Variants in PSPH observed in about 807,000 individuals in gnomAD.
PSPH encodes L-3-phosphoserine phosphatase.
Under a neutral mutation model 23.4 loss-of-function variants are expected in PSPH, and 16 were observed. The observed-to-expected ratio is 0.68, with a 90% confidence interval of 0.46 to 1.04. The LOEUF is 1.04. Ranked by LOEUF, PSPH falls within the 50% of genes least tolerant of loss-of-function variation. The pLI, the probability that PSPH is intolerant of heterozygous loss-of-function variation, is 0.00. For synonymous variants in PSPH, 68 were observed against 99.7 expected (o/e 0.68, Z 1.89); for missense variants, 223 against 273.7 (o/e 0.81, Z 1.31).
At chr7:56,016,757 A>C (rs1173596943) in intron 6 of PSPH, among the ~76,000 whole-genome samples, 1 of 150,856 alleles carries the variant, frequency 6.6e-6, no homozygotes, top group African/African-American at 2.4e-5. Flanking sequence ...TTTTTTTTTT[A>C]GCAGAGTTGG....
At chr7:56,042,415 CCAAAG>C (rs146892275) in intron 1 of PSPH, among the ~76,000 whole-genome samples, 75 of 152,094 alleles carry the variant, frequency 4.9e-4, no homozygotes, top group African/African-American at 1.7e-3. Flanking sequence ...ATCTGGGAGG[CCAAAG>C]CAGAAGGATT....
intron 1 of PSPH, among the ~76,000 whole-genome samples, chr7:56,039,118 C>T (rs1792134501): frequency 6.7e-6 from 1 of 149,062 alleles, no homozygotes; most frequent in Non-Finnish European, 1.5e-5. Context: ...ATTGCATACC[C>T]GCCCGGGAAA....
At chr7:56,021,002 C>T in intron 4 of PSPH, 71 bp downstream of exon 4, 1 of 1,549,728 alleles carries the variant, frequency 6.5e-7, no homozygotes, top group Non-Finnish European at 8.8e-7. Flanking sequence ...CAGGGTCTAG[C>T]ACTTCATCCA....
intron 7 of PSPH, among the ~76,000 whole-genome samples, chr7:56,014,139 A>G (rs1788293226): frequency 6.6e-6 from 1 of 152,188 alleles, no homozygotes; most frequent in South Asian, 2.1e-4. Flanking sequence ...AGAAAAACAA[A>G]ACAAAACATA....
chr7:56,035,650 C>G (rs1418673146), intron 1 of PSPH, among the ~76,000 whole-genome samples: 3 of 151,924 alleles, frequency 2.0e-5, no homozygotes, highest in Non-Finnish European at 4.4e-5. Context: ...GACTGAGTCT[C>G]ACTCTGTTGC....
intron 6 of PSPH, among the ~76,000 whole-genome samples, chr7:56,016,406 A>C (rs1044108649): frequency 1.3e-5 from 2 of 149,922 alleles, no homozygotes; most frequent in Non-Finnish European, 3.0e-5. Flanking sequence ...CCTGTCTCAA[A>C]AAAAAAAAAA....
intron 5 of PSPH, 113 bp from the exon 6 acceptor site, chr7:56,017,492 C>T: frequency 6.6e-7 from 1 of 1,525,364 alleles, no homozygotes; most frequent in South Asian, 1.3e-5. Flanking sequence ...AATGCATTTG[C>T]CTGAGGTATG....
chr7:56,028,687 A>C (rs1317554714), intron 3 of PSPH, among the ~76,000 whole-genome samples: 1 of 152,060 alleles, frequency 6.6e-6, no homozygotes, highest in Non-Finnish European at 1.5e-5. Flanking sequence ...ATTGGGTTAC[A>C]AGAGTATCAA....
chr7:56,020,279 C>G (rs1789183039), intron 4 of PSPH, among the ~76,000 whole-genome samples: 2 of 151,588 alleles, frequency 1.3e-5, no homozygotes. Flanking sequence ...TGTGAGCTGT[C>G]ATAAATCAAG....
chr7:56,036,035 C>T (rs1791683638), intron 1 of PSPH, among the ~76,000 whole-genome samples: 1 of 152,028 alleles, frequency 6.6e-6, no homozygotes, highest in East Asian at 1.9e-4. Flanking sequence ...TCAAGACTAG[C>T]CTGGCTAACA....
At position 56,011,569 on chromosome 7, in the gene PSPH, T is replaced by C. The variant is rs1787914896; in HGVS notation, c.*193A>G. 2.1e-6 allele frequency: 1 copy of C among 469,014 alleles called. No individual in the cohort carries two copies. The highest frequency in any genetic ancestry group is 3.8e-6 in the Non-Finnish European group (1 of 259,962). The allele number at this position is 469,014 out of a possible 1,614,324, so 29.1% of individuals were successfully genotyped here. On this transcript the variant is annotated 3_prime_UTR_variant, in exon 8 of 8. Coordinates refer to ENST00000275605, the MANE Select transcript of PSPH (RefSeq NM_004577.4). ...CTCTCCAGGAAATCAATAGTCATCATATAATACTGGAACTACAGTTAAAAA... is the reference window on the plus strand; with the variant it reads ...CTCTCCAGGAAATCAATAGTCATCACATAATACTGGAACTACAGTTAAAAA...
At chr7:56,026,298 A>G (rs1281965842) in intron 3 of PSPH, among the ~76,000 whole-genome samples, 2 of 151,906 alleles carry the variant, frequency 1.3e-5, no homozygotes, top group African/African-American at 2.4e-5. Flanking sequence ...CAACATGGTG[A>G]AACCCCATCT....
In PSPH at chr7:56,011,687, G is replaced by A; in HGVS notation, c.*75C>T. 1 of 1,227,512 alleles carries A rather than the reference G, an allele frequency of 8.1e-7. No homozygotes were observed. The highest frequency in any genetic ancestry group is 1.2e-5 in the South Asian group (1 of 82,018). The allele number at this position is 1,227,512 out of a possible 1,614,324, so 76.0% of individuals were successfully genotyped here. A position where few individuals can be genotyped will look rare whatever the true frequency, so the allele number is the denominator to read the frequency against. On this transcript the variant is annotated 3_prime_UTR_variant, in exon 8 of 8. Transcript: ENST00000275605. ...CTATAGCAAGTTGTAATAGGCAACTGTAAGCAAACAGTATCAATCTGTATA... is the reference window on the plus strand; with the variant it reads ...CTATAGCAAGTTGTAATAGGCAACTATAAGCAAACAGTATCAATCTGTATA...
intron 3 of PSPH, among the ~76,000 whole-genome samples, chr7:56,024,091 C>A (rs1359234311): frequency 1.3e-5 from 2 of 151,964 alleles, no homozygotes; most frequent in African/African-American, 4.8e-5. Context: ...CCACGCCCGG[C>A]TAATTTTTTG....
intron 1 of PSPH, among the ~76,000 whole-genome samples, chr7:56,039,643 G>A (rs762530384): frequency 2.4e-4 from 37 of 151,450 alleles, no homozygotes; most frequent in Non-Finnish European, 4.7e-4. Flanking sequence ...GGGCATGGTA[G>A]TACGTGCCTG....
chr7:56,030,011 A>T (rs1049600290), intron 3 of PSPH, among the ~76,000 whole-genome samples: 1 of 151,200 alleles, frequency 6.6e-6, no homozygotes, highest in Admixed American at 6.6e-5. Flanking sequence ...AAAAAAGAAT[A>T]CACAGTAGAT....
At chr7:56,038,647 C>T (rs1040416083) in intron 1 of PSPH, among the ~76,000 whole-genome samples, 1 of 151,842 alleles carries the variant, frequency 6.6e-6, no homozygotes, top group Non-Finnish European at 1.5e-5. Context: ...CCACCCTGGG[C>T]AACATACTAA....
rs555927850 is a variant in PSPH at position 56,041,071 on chromosome 7, A to G, written c.-291-6965T>C. 5.3e-5 allele frequency among the ~76,000 whole-genome samples: 8 copies of G among 152,248 alleles called. No individual in the cohort carries two copies. The South Asian group carries it at 1.2e-3, about 24-fold the overall frequency. On this transcript the variant is annotated intron_variant, in intron 1 of 7. Coordinates refer to ENST00000275605, the MANE Select transcript of PSPH (RefSeq NM_004577.4). ...CAAGTAAATTCAGTGTGTGTCTCCA[A>G]CATTCTGTTTTGGCCAGCACAGAAG... is the stretch of plus-strand genomic sequence containing the variant.
chr7:56,022,831 G>A (rs1171908900), intron 3 of PSPH, among the ~76,000 whole-genome samples: 1 of 152,224 alleles, frequency 6.6e-6, no homozygotes, highest in Non-Finnish European at 1.5e-5. Flanking sequence ...GGCTGAGGCG[G>A]GAGCATCACT....
Sources: allele counts gnomAD v4.1 joint callset (sites outside exome capture counted in the v4.1 genomes callset), GRCh38; gene constraint gnomAD v4.1.1; transcripts MANE v1.5; gene names NCBI Gene and HGNC (gene_info 2026-07-23, HGNC 2026-07-21).